CRB1: variants seen among roughly 807,000 people sequenced by gnomAD.
CRB1 encodes the protein protein crumbs homolog 1.
A neutral mutation model predicts 120.0 loss-of-function variants in CRB1; 83 were observed. The ratio of observed to expected loss-of-function variants is 0.69; its 90% CI spans 0.58 to 0.83. The LOEUF (loss-of-function observed/expected upper bound fraction) is 0.83, where lower values mean the gene tolerates loss of function less well. Among genes scored for constraint, CRB1 ranks in the 40% least tolerant of loss-of-function variants. The pLI, the probability that CRB1 is intolerant of heterozygous loss-of-function variation, is 0.00. For missense variants in CRB1, 1,699 were observed against 1,687.6 expected, an observed-to-expected ratio of 1.01 and a Z score of -0.12; for synonymous variants, 625 against 612.5, an observed-to-expected ratio of 1.02 and a Z score of -0.30.
intron 4 of CRB1, among the ~76,000 whole-genome samples, chr1:197,348,925 A>G (rs186195794): frequency 6.6e-6 from 1 of 152,290 alleles, no homozygotes; most frequent in East Asian, 1.9e-4. Context: ...AAAATTTTCT[A>G]ATAAACCTAG....
intron 11 of CRB1, among the ~76,000 whole-genome samples, chr1:197,448,091 T>A (rs959116023): frequency 4.6e-5 from 7 of 152,164 alleles, no homozygotes; most frequent in Non-Finnish European, 8.8e-5. Flanking sequence ...TTCTCTATAA[T>A]TGCTACCTTC....
At chr1:197,234,413 T>G in the CRB1 span, among the ~76,000 whole-genome samples, 21 of 152,340 alleles carry the variant, frequency 1.4e-4, no homozygotes, top group South Asian at 3.1e-3. Flanking sequence ...ACAGAAGCCT[T>G]CTTCCAACAG....
chr1:197,325,678 C>T (rs1389363816), intron 1 of CRB1, among the ~76,000 whole-genome samples: 2 of 152,084 alleles, frequency 1.3e-5, no homozygotes, highest in African/African-American at 2.4e-5. Flanking sequence ...CTAGCAGCGA[C>T]TTCCCCAAGT....
chr1:197,228,095 A>C, the CRB1 span, among the ~76,000 whole-genome samples: 1 of 152,138 alleles, frequency 6.6e-6, no homozygotes, highest in Non-Finnish European at 1.5e-5. Flanking sequence ...CTTTCCTCCT[A>C]GGCTTCTGGG....
At chr1:197,279,026 T>G (rs1655376994) in intron 1 of CRB1, among the ~76,000 whole-genome samples, 1 of 151,948 alleles carries the variant, frequency 6.6e-6, no homozygotes, top group Non-Finnish European at 1.5e-5. Flanking sequence ...AAAATAAAAC[T>G]AGTCTTGTGT....
chr1:197,229,340 T>C, the CRB1 span, among the ~76,000 whole-genome samples: 1 of 152,342 alleles, frequency 6.6e-6, no homozygotes, highest in South Asian at 2.1e-4. Context: ...AGCCATTTTC[T>C]ATAAAGGAAC....
At chr1:197,424,311 T>C (rs1216417078) in intron 6 of CRB1, among the ~76,000 whole-genome samples, 2 of 152,294 alleles carry the variant, frequency 1.3e-5, no homozygotes, top group East Asian at 3.9e-4. Context: ...GTAGCTTTCC[T>C]TCATTGACCT....
At chr1:197,348,267 A>G (rs1003025221) in intron 4 of CRB1, among the ~76,000 whole-genome samples, 2 of 152,190 alleles carry the variant, frequency 1.3e-5, no homozygotes, top group Admixed American at 6.5e-5. Flanking sequence ...CATTGTTGTC[A>G]TAGGAGATGA....
chr1:197,344,519 G>T, intron 3 of CRB1, 43 bp downstream of exon 3: 2 of 1,564,850 alleles, frequency 1.3e-6, no homozygotes, highest in South Asian at 2.2e-5. Context: ...AGAACTCCCT[G>T]ACCATGAACT....
the CRB1 span, among the ~76,000 whole-genome samples, chr1:197,238,859 C>A: frequency 6.6e-6 from 1 of 151,732 alleles, no homozygotes; most frequent in East Asian, 1.9e-4. Context: ...AAAAAAATCA[C>A]CAGCTATTAT....
chr1:197,345,111 C>T (rs1273180507), intron 3 of CRB1, among the ~76,000 whole-genome samples: 2 of 152,112 alleles, frequency 1.3e-5, no homozygotes, highest in Admixed American at 6.5e-5. Context: ...TCATATAAAA[C>T]ATTTTTAAAA....
intron 11 of CRB1, among the ~76,000 whole-genome samples, chr1:197,472,660 A>G (rs1667031754): frequency 6.6e-6 from 1 of 152,152 alleles, no homozygotes; most frequent in Non-Finnish European, 1.5e-5. Context: ...TCTTATTTCC[A>G]GCTCATTTTG....
chr1:197,373,803 C>T (rs1661501662), intron 5 of CRB1, among the ~76,000 whole-genome samples: 2 of 152,176 alleles, frequency 1.3e-5, no homozygotes, highest in African/African-American at 2.4e-5. Context: ...ATGTTTACTA[C>T]TGGCCCATTG....
intron 1 of CRB1, among the ~76,000 whole-genome samples, chr1:197,280,860 A>G (rs1480655991): frequency 6.6e-6 from 1 of 151,846 alleles, no homozygotes; most frequent in Non-Finnish European, 1.5e-5. Context: ...TTTCTTCCTG[A>G]CATGTATGTA....
intron 1 of CRB1, among the ~76,000 whole-genome samples, chr1:197,307,849 C>T (rs1657262046): frequency 6.6e-6 from 1 of 152,174 alleles, no homozygotes; most frequent in Non-Finnish European, 1.5e-5. Flanking sequence ...TCTCCCTGGT[C>T]CTTCCACTTA....
chr1:197,441,191 T>C (rs1421497912), intron 10 of CRB1: 4 of 152,196 alleles, frequency 2.6e-5, no homozygotes, highest in Non-Finnish European at 5.9e-5. Context: ...AGCTGCACTA[T>C]AGAGATCTTG....
intron 8 of CRB1, among the ~76,000 whole-genome samples, chr1:197,433,898 A>G (rs1664996874): frequency 6.6e-6 from 1 of 152,128 alleles, no homozygotes; most frequent in African/African-American, 2.4e-5. Context: ...TACAGATTTG[A>G]TGGATATCTG....
chr1:197,309,609 C>T (rs1036292616), intron 1 of CRB1, among the ~76,000 whole-genome samples: 2 of 151,980 alleles, frequency 1.3e-5, no homozygotes, highest in African/African-American at 4.8e-5. Context: ...AAAAAATTAG[C>T]TGGGCGTGGT....
intron 5 of CRB1, among the ~76,000 whole-genome samples, chr1:197,417,899 G>C (rs1664089232): frequency 6.6e-6 from 1 of 152,126 alleles, no homozygotes; most frequent in African/African-American, 2.4e-5. Flanking sequence ...AGTTAGCCTA[G>C]CAGACAAAGA....
Sources: allele counts gnomAD v4.1 joint callset (sites outside exome capture counted in the v4.1 genomes callset), GRCh38; gene constraint gnomAD v4.1.1; transcripts MANE v1.5; gene names NCBI Gene and HGNC (gene_info 2026-07-23, HGNC 2026-07-21).